The following RSRC1 variants were observed in gnomAD, a reference collection of about 807,000 sequenced individuals.
RSRC1 encodes the protein arginine and serine rich coiled-coil 1, also known as serine/Arginine-related protein 53.
RSRC1 carries 39 observed loss-of-function variants against 49.1 expected under a neutral mutation model. The observed-to-expected ratio is 0.79, with a 90% CI of 0.61 to 1.04. The LOEUF is 1.04. Among genes scored for constraint, RSRC1 ranks in the 50% least tolerant of loss-of-function variants. RSRC1 has a pLI of 0.00. For missense variants in RSRC1, 388 were observed against 402.4 expected, an observed-to-expected ratio of 0.96 and a Z score of 0.31; for synonymous variants, 143 against 130.8, an observed-to-expected ratio of 1.09 and a Z score of -0.63.
intron 1 of RSRC1, among the ~76,000 whole-genome samples, chr3:158,113,394 G>A (rs916420673): frequency 1.3e-5 from 2 of 149,922 alleles, no homozygotes; most frequent in African/African-American, 2.5e-5. Context: ...TTTGAGACGG[G>A]AGTCTCACTC....
At chr3:158,159,186 A>G (rs1433622342) in intron 3 of RSRC1, among the ~76,000 whole-genome samples, 1 of 152,062 alleles carries the variant, frequency 6.6e-6, no homozygotes. Context: ...GAGTGATACA[A>G]AGGAAGGATT....
At chr3:158,433,147 A>G (rs1489786897) in intron 6 of RSRC1, among the ~76,000 whole-genome samples, 1 of 151,892 alleles carries the variant, frequency 6.6e-6, no homozygotes, top group African/African-American at 2.4e-5. Flanking sequence ...AACATCACGT[A>G]ATGCTGTGCT....
chr3:158,513,559 A>T (rs570333459), intron 7 of RSRC1, among the ~76,000 whole-genome samples: 16 of 152,262 alleles, frequency 1.1e-4, no homozygotes, highest in Middle Eastern at 3.4e-3. Flanking sequence ...TTCATCAAGG[A>T]TATTGGCCTA....
intron 7 of RSRC1, among the ~76,000 whole-genome samples, chr3:158,497,360 A>G (rs1198335271): frequency 1.3e-5 from 2 of 151,384 alleles, no homozygotes; most frequent in African/African-American, 2.4e-5. Context: ...CCTGAGCAGT[A>G]TACACTGCAC....
intron 7 of RSRC1, among the ~76,000 whole-genome samples, chr3:158,506,928 A>T (rs1739886892): frequency 6.6e-6 from 1 of 151,706 alleles, no homozygotes; most frequent in Non-Finnish European, 1.5e-5. Flanking sequence ...ATGGAAAAAT[A>T]TCTGCACCCT....
chr3:158,447,590 A>C (rs986719323), intron 6 of RSRC1, among the ~76,000 whole-genome samples: 2 of 151,956 alleles, frequency 1.3e-5, no homozygotes, highest in African/African-American at 4.8e-5. Context: ...CTTCTTTGGT[A>C]TGTAATCTTA....
chr3:158,145,647 A>C (rs1717047138), intron 3 of RSRC1, among the ~76,000 whole-genome samples: 1 of 152,126 alleles, frequency 6.6e-6, no homozygotes, highest in Admixed American at 6.5e-5. Flanking sequence ...ACTTTAAAGT[A>C]GTTTTTTTCA....
intron 6 of RSRC1, among the ~76,000 whole-genome samples, chr3:158,436,535 A>G (rs1298858318): frequency 1.3e-5 from 2 of 151,922 alleles, no homozygotes; most frequent in Non-Finnish European, 2.9e-5. Context: ...ATTCTATACA[A>G]TTTCTCGGAA....
intron 4 of RSRC1, among the ~76,000 whole-genome samples, chr3:158,220,436 G>A (rs1049145610): frequency 4.7e-4 from 71 of 151,422 alleles, no homozygotes; most frequent in Admixed American, 4.1e-3. Context: ...ACGCCGTACC[G>A]AAAGCCAACT....
At chr3:158,146,599 T>G (rs1717136317) in intron 3 of RSRC1, among the ~76,000 whole-genome samples, 1 of 152,110 alleles carries the variant, frequency 6.6e-6, no homozygotes, top group African/African-American at 2.4e-5. Context: ...TCTTTTTTTG[T>G]TGTGTCTCTG....
At chr3:158,191,087 T>C (rs1001659976) in intron 3 of RSRC1, among the ~76,000 whole-genome samples, 1 of 152,104 alleles carries the variant, frequency 6.6e-6, no homozygotes, top group African/African-American at 2.4e-5. Flanking sequence ...GATCTTGTTT[T>C]TGTAGATCCC....
At chr3:158,147,744 A>T (rs1352521004) in intron 3 of RSRC1, among the ~76,000 whole-genome samples, 3 of 152,178 alleles carry the variant, frequency 2.0e-5, no homozygotes, top group Non-Finnish European at 4.4e-5. Context: ...TCCAAATTCA[A>T]AAGTGTACGT....
chr3:158,372,203 A>G (rs1432397293), intron 6 of RSRC1, among the ~76,000 whole-genome samples: 1 of 151,740 alleles, frequency 6.6e-6, no homozygotes, highest in East Asian at 1.9e-4. Context: ...TCTTGTATGT[A>G]TTGTGTTTTT....
At chr3:158,346,344 A>G (rs1314894192) in intron 5 of RSRC1, among the ~76,000 whole-genome samples, 1 of 152,164 alleles carries the variant, frequency 6.6e-6, no homozygotes, top group Non-Finnish European at 1.5e-5. Context: ...GAAGAAATTG[A>G]TGGATGGGAT....
chr3:158,122,147 A>G lies in RSRC1; in HGVS notation c.43A>G (p.Lys15Glu), dbSNP rs764399489. 3 of 1,567,260 alleles carry G rather than the reference A, an allele frequency of 1.9e-6. No individual in the cohort carries two copies. The highest frequency in any genetic ancestry group is 3.7e-5 in the Admixed American group (2 of 53,618). The change falls in exon 2 of 10, where the codon AAG becomes GAG. Residue 15 changes from lysine to glutamate, a missense_variant. Physicochemically the swap from Lys to Glu is moderately conservative, Grantham distance 56 (BLOSUM62 1). Coordinates refer to ENST00000611884, the MANE Select transcript of RSRC1 (RefSeq NM_001271838.2). ...AGATACTGAAGAAGAAAGCAGAAGCAAGAGAAAAAAGAAACACCGTAGACG... is the reference window on the plus strand; with the variant it reads ...AGATACTGAAGAAGAAAGCAGAAGCGAGAGAAAAAAGAAACACCGTAGACG... Reference protein sequence around the residue: ...SSDTEEESRSKRKKKHRRRSS... With the variant: ...SSDTEEESRSERKKKHRRRSS...
chr3:158,502,711 A>G (rs1426347188), intron 7 of RSRC1, among the ~76,000 whole-genome samples: 2 of 151,972 alleles, frequency 1.3e-5, no homozygotes, highest in African/African-American at 4.8e-5. Context: ...AGTTTCCTGA[A>G]TTTTTTATTG....
At chr3:158,517,163 C>T (rs561530119) in intron 7 of RSRC1, among the ~76,000 whole-genome samples, 1 of 146,848 alleles carries the variant, frequency 6.8e-6, no homozygotes, top group Non-Finnish European at 1.5e-5. Context: ...ATATTTTTTG[C>T]TATTAATATT....
intron 4 of RSRC1, among the ~76,000 whole-genome samples, chr3:158,255,171 T>G (rs1428909264): frequency 1.3e-5 from 2 of 152,312 alleles, no homozygotes; most frequent in African/African-American, 4.8e-5. Flanking sequence ...TTCCCTCTGT[T>G]TTTTTCTAGG....
chr3:158,124,521 G>A (rs1371398604), intron 3 of RSRC1, among the ~76,000 whole-genome samples: 1 of 152,020 alleles, frequency 6.6e-6, no homozygotes, highest in Non-Finnish European at 1.5e-5. Flanking sequence ...AATGTTTGGT[G>A]GAATTCTGCA....
Sources: gnomAD v4.1 joint callset for allele counts (sites outside exome capture counted in the v4.1 genomes callset) on GRCh38, gnomAD v4.1.1 for gene constraint, MANE v1.5 for transcripts, NCBI Gene and HGNC (gene_info 2026-07-23, HGNC 2026-07-21) for gene names.